GFM2: variants seen among roughly 807,000 people sequenced by gnomAD.
GFM2 encodes the protein GTP dependent ribosome recycling factor mitochondrial 2.
In GFM2, 72 loss-of-function variants were observed where a neutral mutation model predicts 95.4. The ratio of observed to expected loss-of-function variants is 0.76; its 90% confidence interval spans 0.62 to 0.92. The LOEUF is 0.92. GFM2 is among the 40% of genes least tolerant of loss of function. The pLI is 0.00. For synonymous variants in GFM2, 276 were observed against 317.5 expected (o/e 0.87, Z 1.39); for missense variants, 825 against 924.1 (o/e 0.89, Z 1.39).
rs1043581415 is a variant in GFM2, at chr5:74,741,633, CTA to C, written c.850-26_850-25del. ...ACCTATAAAGAAAGGTTTTAGAGTTCTATAACTTGCATTTACTTTCATTAACT... is the reference window on the plus strand; with the variant it reads ...ACCTATAAAGAAAGGTTTTAGAGTTCTAACTTGCATTTACTTTCATTAACT... On this transcript the variant is annotated intron_variant, in intron 10 of 20. Transcript: ENST00000296805. 4.7e-6 allele frequency: 6 copies of C among 1,272,804 alleles called. No homozygotes were observed. The African/African-American group carries it at 9.0e-5, about 19-fold the overall frequency. 78.8% of individuals were successfully genotyped at this position (1,272,804 alleles called of 1,614,324 possible).
At chr5:74,727,590 T>C (rs577189885) in intron 17 of GFM2, among the ~76,000 whole-genome samples, 4 of 152,190 alleles carry the variant, frequency 2.6e-5, no homozygotes, top group Non-Finnish European at 5.9e-5. Context: ...TTAGAAACTA[T>C]TTTTTCCCAA....
intron 3 of GFM2, among the ~76,000 whole-genome samples, chr5:74,760,637 T>C (rs990937235): frequency 6.6e-6 from 1 of 152,182 alleles, no homozygotes; most frequent in Non-Finnish European, 1.5e-5. Context: ...TACACTCACA[T>C]GTTAAACTTG....
chr5:74,732,098 G>GTA lies in GFM2; in HGVS notation c.1587+923_1587+924insTA, dbSNP rs1742594516. Among the ~76,000 whole-genome samples, 3 of 148,712 alleles carry GTA rather than the reference G, an allele frequency of 2.0e-5. No individual in the cohort carries two copies. In the South Asian group the frequency reaches 6.5e-4, roughly 32 times the overall value. On this transcript the variant is annotated intron_variant, in intron 16 of 20. Transcript: ENST00000296805. ...GCATCCTGAGTCGCTGGGACCACAG[G>GTA]TGTATGCCATCATGCCTGGCTAATT...
chr5:74,730,446 A>AT (rs1295122456), intron 16 of GFM2, 48 bp from the exon 17 acceptor site: 2 of 1,291,300 alleles, frequency 1.5e-6, no homozygotes, highest in Non-Finnish European at 2.1e-6. Flanking sequence ...AATTATATTT[A>AT]TTGCAGAATA....
chr5:74,759,524 A>C, intron 3 of GFM2, 98 bp from the exon 4 acceptor site: 1 of 626,404 alleles, frequency 1.6e-6, no homozygotes, highest in Non-Finnish European at 2.8e-6. Context: ...CAAATACTGT[A>C]AGTCCAAATA....
chr5:74,745,913 T>C, intron 9 of GFM2, 56 bp from the exon 10 acceptor site: 18 of 1,395,620 alleles, frequency 1.3e-5, no homozygotes, highest in South Asian at 2.5e-5. Context: ...AAAACTACAA[T>C]GATGACAAGT....
At position 74,726,050 on chromosome 5, in the gene GFM2, T is replaced by C. The variant is rs1326316467; in HGVS notation, c.1803A>G (p.Ser601=). 7 of 1,613,576 alleles carry C rather than the reference T, an allele frequency of 4.3e-6. No homozygotes were observed. The highest frequency in any genetic ancestry group is 5.9e-6 in the Non-Finnish European group (7 of 1,179,744). The change falls in exon 18 of 21, where the codon TCA becomes TCG. Residue 601 remains serine (S), a synonymous_variant. Coordinates refer to ENST00000296805, the MANE Select transcript of GFM2 (RefSeq NM_032380.5). ...VEVEARPIET[S]SVMPVIEFEY... is the part of the protein sequence containing the mutation. ...CAAACTCAATCACAGGCATAACAGA[T>C]GATGTTTCAATTGGCCTTGCTTCCA...
intron 16 of GFM2, among the ~76,000 whole-genome samples, chr5:74,731,945 ATTTTATTTAT>A (rs1164282356): frequency 6.9e-6 from 1 of 144,146 alleles, no homozygotes; most frequent in Non-Finnish European, 1.5e-5. Flanking sequence ...GCCAGTTTTT[ATTTTATTTAT>A]TTTTATTTAT....
At chr5:74,746,030 T>C in intron 9 of GFM2, 75 bp downstream of exon 9, 2 of 1,168,466 alleles carry the variant, frequency 1.7e-6, no homozygotes, top group Non-Finnish European at 2.4e-6. Flanking sequence ...TGAGATAGCT[T>C]TGGAAATGTA....
intron 8 of GFM2, 113 bp downstream of exon 8, chr5:74,747,579 A>G: frequency 1.7e-6 from 1 of 603,782 alleles, no homozygotes; most frequent in Non-Finnish European, 2.9e-6. Flanking sequence ...GAATATTTAT[A>G]CCCTATAATA....
chr5:74,761,030 A>G (rs1329464348), intron 2 of GFM2, 44 bp from the exon 3 acceptor site: 2 of 1,081,922 alleles, frequency 1.8e-6, no homozygotes, highest in Non-Finnish European at 2.8e-6. Flanking sequence ...TTATTTTAGC[A>G]TCACTTATTA....
At position 74,722,394 on chromosome 5, in the gene GFM2, G is replaced by A; in HGVS notation, c.2196C>T (p.Pro732=). The change falls in exon 20 of 21, where the codon CCC becomes CCT. Residue 732 remains proline (P), a synonymous_variant. Coordinates refer to ENST00000296805, the MANE Select transcript of GFM2 (RefSeq NM_032380.5). ...QDNKVVIGFV[P]LAEIMGYSTV... Reference sequence around the variant, plus strand: ...AAGTACCTACCATAATTTCTGCTAAGGGAACAAATCCAATAACAACTTTGT... The same window carrying A: ...AAGTACCTACCATAATTTCTGCTAAAGGAACAAATCCAATAACAACTTTGT... 6.2e-7 allele frequency: 1 copy of A among 1,613,416 alleles called. No homozygotes were observed. The highest frequency in any genetic ancestry group is 8.5e-7 in the Non-Finnish European group (1 of 1,179,706).
chr5:74,756,191 G>A (rs1158453674), intron 5 of GFM2, among the ~76,000 whole-genome samples: 1 of 152,046 alleles, frequency 6.6e-6, no homozygotes, highest in Admixed American at 6.6e-5. Context: ...CTCAAAATTG[G>A]CATAGAAGGG....
intron 11 of GFM2, 49 bp from the exon 12 acceptor site, chr5:74,740,186 G>A: frequency 2.0e-6 from 3 of 1,514,572 alleles, no homozygotes; most frequent in Non-Finnish European, 2.7e-6. Context: ...ACTGGTCTTG[G>A]CGAGAAGCTC....
At chr5:74,722,075 T>C (rs113290762) in intron 20 of GFM2, among the ~76,000 whole-genome samples, 1 of 152,128 alleles carries the variant, frequency 6.6e-6, no homozygotes, top group African/African-American at 2.4e-5. Flanking sequence ...AGAAGAATGA[T>C]AACTTGCCTT....
At chr5:74,743,057 C>T (rs1743190880) in intron 10 of GFM2, among the ~76,000 whole-genome samples, 2 of 152,176 alleles carry the variant, frequency 1.3e-5, no homozygotes, top group Admixed American at 1.3e-4. Context: ...GCAAAACAAA[C>T]TCCATATACA....
intron 17 of GFM2, among the ~76,000 whole-genome samples, chr5:74,728,515 C>T (rs1165663664): frequency 1.3e-5 from 2 of 151,998 alleles, no homozygotes; most frequent in African/African-American, 2.4e-5. Context: ...GTAAGTGTAC[C>T]TGCATACATA....
chr5:74,738,730 T>G, intron 12 of GFM2, 88 bp from the exon 13 acceptor site: 1 of 1,285,004 alleles, frequency 7.8e-7, no homozygotes, highest in East Asian at 2.4e-5. Flanking sequence ...AGATCTATTT[T>G]ATCTTCTAGT....
At chr5:74,751,945 G>C (rs2112326528) in intron 5 of GFM2, among the ~76,000 whole-genome samples, 1 of 152,126 alleles carries the variant, frequency 6.6e-6, no homozygotes, top group East Asian at 1.9e-4. Flanking sequence ...TGTAAAATAA[G>C]GCTAGTAAAG....
Sources: gnomAD v4.1 joint callset for allele counts (sites outside exome capture counted in the v4.1 genomes callset) on GRCh38, gnomAD v4.1.1 for gene constraint, MANE v1.5 for transcripts, NCBI Gene and HGNC (gene_info 2026-07-23, HGNC 2026-07-21) for gene names.